Variants in RBM12B observed in about 807,000 individuals in gnomAD.
RBM12B encodes the protein RNA binding motif protein 12B, also known as RNA-binding protein 12B.
A neutral mutation model predicts 34.3 loss-of-function variants in RBM12B; 10 were observed. The ratio of observed to expected loss-of-function variants is 0.29; its 90% confidence interval spans 0.18 to 0.49. RBM12B has a LOEUF of 0.49. RBM12B is among the 20% of genes least tolerant of loss of function. The probability of loss-of-function intolerance (pLI) is 0.99; values close to 1 mark genes in which losing one functional copy is unlikely to be tolerated. For missense variants in RBM12B, 1,139 were observed against 1,262.7 expected (o/e 0.90, Z 1.48); for synonymous variants, 477 against 437.1 (o/e 1.09, Z -1.14).
chr8:93,730,027 G>A lies in RBM12B; in HGVS notation c.*3378C>T, dbSNP rs1811725294. On this transcript the variant is annotated 3_prime_UTR_variant, in exon 4 of 4. Coordinates refer to ENST00000520560, the MANE Select transcript of RBM12B (RefSeq NM_001377960.1). ...CCAAAAATCTGAAATCTTAAATGCT[G>A]CAATGAGCATTTTCTTTGAGCATCA... 6.6e-6 allele frequency: 1 copy of A among 152,150 alleles called. No individual in the cohort carries two copies. Among genetic ancestry groups the A allele is most frequent in the Non-Finnish European group, 1.5e-5 (1 of 68,012 alleles). 9.4% of individuals were successfully genotyped at this position (152,150 alleles called of 1,614,324 possible).
chr8:93,733,158 G>T lies in RBM12B; in HGVS notation c.*247C>A, dbSNP rs16916186. On this transcript the variant is annotated 3_prime_UTR_variant, in exon 4 of 4. Transcript: ENST00000520560. Reference sequence around the variant, plus strand: ...ACAAAAATGAATGAACTCAGGGAATGAGTTCTTTCTCCCCATCAAAGAAAA... The same window carrying T: ...ACAAAAATGAATGAACTCAGGGAATTAGTTCTTTCTCCCCATCAAAGAAAA... The T allele has an allele frequency of 0.35, 92,397 of 264,984 alleles. 17,570 individuals carry two copies. Among genetic ancestry groups the T allele is most frequent in the African/African-American group, 0.5 (22,530 of 45,156 alleles). 16.4% of individuals were successfully genotyped at this position (264,984 alleles called of 1,614,324 possible).
intron 2 of RBM12B, 32 bp downstream of exon 2, chr8:93,740,597 A>G: frequency 2.3e-6 from 1 of 442,308 alleles, no homozygotes; most frequent in South Asian, 1.6e-5. Context: ...GCCACCACTG[A>G]CTACGATGAC....
In RBM12B at chr8:93,736,358, T is replaced by A; in HGVS notation, c.53A>T (p.Asp18Val). The A allele has an allele frequency of 1.2e-6, 2 of 1,611,808 alleles. No individual in the cohort carries two copies. Among genetic ancestry groups the A allele is most frequent in the Non-Finnish European group, 1.7e-6 (2 of 1,179,426 alleles). Residue 18 changes from aspartate to valine, a missense_variant, in exon 4 of 4, where the codon GAT becomes GTT. Asp to Val is a radical substitution (Grantham distance 152, BLOSUM62 -3). Coordinates refer to ENST00000520560, the MANE Select transcript of RBM12B (RefSeq NM_001377960.1). ...LGLPFIAGPVDIRHFFTGLTI... is the reference protein window; with the variant it reads ...LGLPFIAGPVVIRHFFTGLTI... ...CAATCCCGTGAAGAAGTGACGAATA[T>A]CCACAGGCCCCGCAATAAAAGGAAG... is the stretch of plus-strand genomic sequence containing the variant.
In RBM12B at chr8:93,734,847, C is replaced by A. The variant is rs1554611113; in HGVS notation, c.1564G>T (p.Gly522Cys). Reference sequence around the variant, plus strand: ...TGATGTCTAAAGTTTTCAAAAGCACCAACTGAGTATATTGGTGGGTCTTTT... The same window carrying A: ...TGATGTCTAAAGTTTTCAAAAGCACAAACTGAGTATATTGGTGGGTCTTTT... ...DSKDPPIYSV[G>C]AFENFRHQLE... is the part of the protein sequence containing the mutation. The change falls in exon 4 of 4, where the codon GGT (glycine) becomes TGT (cysteine). Residue 522 changes from glycine (G) to cysteine (C), a missense_variant. Physicochemically the swap from Gly to Cys is radical, Grantham distance 159. Around this residue, in one of 3 missense-constraint regions of RBM12B, gnomAD observed 863 missense variants for 869.5 expected, o/e 0.99. Coordinates refer to ENST00000520560, the MANE Select transcript of RBM12B (RefSeq NM_001377960.1). The A allele has an allele frequency of 1.9e-6, 3 of 1,614,112 alleles. No individual in the cohort carries two copies. Among genetic ancestry groups the A allele is most frequent in the African/African-American group, 1.3e-5 (1 of 75,018 alleles).
Position 93,735,767 on chromosome 8 carries a change from C to G in RBM12B, c.644G>C (p.Arg215Thr). 6.2e-7 allele frequency: 1 copy of G among 1,614,084 alleles called. No individual in the cohort carries two copies. Residue 215 changes from arginine (R) to threonine (T), a missense_variant, in exon 4 of 4, where the codon AGA becomes ACA. Around this residue, in one of 3 missense-constraint regions of RBM12B, gnomAD observed 216 missense variants for 292.2 expected, o/e 0.74. Coordinates refer to ENST00000520560, the MANE Select transcript of RBM12B (RefSeq NM_001377960.1). The stretch of plus-strand genomic sequence containing the variant: ...TATAAATCTTGAACCCATAAAACTT[C>G]TATGACATTTAAGACCTCCTGAAGC... ...VDASGGLKCH[R>T]SFMGSRFIEV...
chr8:93,739,651 CCCT>C (rs1266677392), intron 2 of RBM12B, among the ~76,000 whole-genome samples: 1 of 152,142 alleles, frequency 6.6e-6, no homozygotes, highest in African/African-American at 2.4e-5. Flanking sequence ...ACGAAAATTA[CCCT>C]CAAGTAGTCT....
chr8:93,730,739 T>A lies in RBM12B; in HGVS notation c.*2666A>T, dbSNP rs1811758615. 1 of 152,210 alleles carries A rather than the reference T, an allele frequency of 6.6e-6. No individual in the cohort carries two copies. Among genetic ancestry groups the A allele is most frequent in the African/African-American group, 2.4e-5 (1 of 41,448 alleles). 9.4% of individuals were successfully genotyped at this position (152,210 alleles called of 1,614,324 possible). A position where few individuals can be genotyped will look rare whatever the true frequency, so the allele number is the denominator to read the frequency against. The stretch of plus-strand genomic sequence containing the variant: ...CTAAAGGCAGAGTTGGAGAGAGATG[T>A]GCAAAGATGGCTCCCAACTAGAAGA... On this transcript the variant is annotated 3_prime_UTR_variant, in exon 4 of 4. Coordinates refer to ENST00000520560, the MANE Select transcript of RBM12B (RefSeq NM_001377960.1).
chr8:93,733,276 G>T lies in RBM12B; in HGVS notation c.*129C>A. ...GATTCACATTCTACTATTTACATTTGTTCTATTCACAGGTCAAAAATAAAA... is the reference window on the plus strand; with the variant it reads ...GATTCACATTCTACTATTTACATTTTTTCTATTCACAGGTCAAAAATAAAA... On this transcript the variant is annotated 3_prime_UTR_variant, in exon 4 of 4. Transcript: ENST00000520560. 1 of 615,330 alleles carries T rather than the reference G, an allele frequency of 1.6e-6. No homozygotes were observed. The highest frequency in any genetic ancestry group is 2.5e-6 in the Non-Finnish European group (1 of 407,852). 38.1% of individuals were successfully genotyped at this position (615,330 alleles called of 1,614,324 possible). A position where few individuals can be genotyped will look rare whatever the true frequency, so the allele number is the denominator to read the frequency against.
rs908582908 is a variant in RBM12B, at chr8:93,733,757, A to G, written c.2654T>C (p.Phe885Ser). Reference sequence around the variant, plus strand: ...ACCTTCTGGGCGACCAAAATTCACAAAAGGGCGGTGACTTCTAAAATCATC... The same window carrying G: ...ACCTTCTGGGCGACCAAAATTCACAGAAGGGCGGTGACTTCTAAAATCATC... ...PPDDFRSHRP[F>S]VNFGRPEGGK... Residue 885 changes from phenylalanine (F) to serine (S), a missense_variant, in exon 4 of 4, where the codon TTT becomes TCT. This residue lies in a region of RBM12B where 863 missense variants were observed against 869.5 expected (regional missense o/e 0.99). Coordinates refer to ENST00000520560, the MANE Select transcript of RBM12B (RefSeq NM_001377960.1). The G allele has an allele frequency of 6.2e-7, 1 of 1,614,146 alleles. No homozygotes were observed. The highest frequency in any genetic ancestry group is 8.5e-7 in the Non-Finnish European group (1 of 1,180,024).
At chr8:93,738,446 T>C (rs1486403278) in intron 2 of RBM12B, among the ~76,000 whole-genome samples, 1 of 152,204 alleles carries the variant, frequency 6.6e-6, no homozygotes, top group East Asian at 1.9e-4. Context: ...AATAAATAAT[T>C]ATAATTTACA....
In RBM12B at chr8:93,735,265, C is replaced by A. The variant is rs762052068; in HGVS notation, c.1146G>T (p.Arg382Ser). 1.9e-6 allele frequency: 3 copies of A among 1,613,924 alleles called. No homozygotes were observed. Among genetic ancestry groups the A allele is most frequent in the East Asian group, 4.5e-5 (2 of 44,880 alleles). ...KKRSGSLERD[R>S]PGHVSQKYSQ... ...AGTATTTTTGTGAAACATGTCCGGG[C>A]CTATCTCTCTCTAGTGACCCTGATC... The change falls in exon 4 of 4, where the codon AGG (arginine) becomes AGT (serine). Residue 382 changes from arginine (R) to serine (S), a missense_variant. Physicochemically the swap from Arg to Ser is moderately radical, Grantham distance 110 (BLOSUM62 -1). This residue lies in a region of RBM12B where 863 missense variants were observed against 869.5 expected (regional missense o/e 0.99). Transcript: ENST00000520560.
At chr8:93,738,346 C>T (rs539325063) in intron 2 of RBM12B, among the ~76,000 whole-genome samples, 23 of 152,248 alleles carry the variant, frequency 1.5e-4, no homozygotes, top group Non-Finnish European at 2.5e-4. Context: ...TGGGATTACC[C>T]GTTTACTGAA....
chr8:93,734,280 G>A lies in RBM12B; in HGVS notation c.2131C>T (p.Pro711Ser). The A allele has an allele frequency of 1.2e-6, 2 of 1,613,428 alleles. No homozygotes were observed. Among genetic ancestry groups the A allele is most frequent in the Non-Finnish European group, 1.7e-6 (2 of 1,179,804 alleles). Residue 711 changes from proline (P) to serine (S), a missense_variant, in exon 4 of 4, where the codon CCT becomes TCT. Coordinates refer to ENST00000520560, the MANE Select transcript of RBM12B (RefSeq NM_001377960.1). ...GGTGACTGCCTGAAGTCCTCCTCAGGGGAATGCCTGAAATCCTCCTCTGGG... is the reference window on the plus strand; with the variant it reads ...GGTGACTGCCTGAAGTCCTCCTCAGAGGAATGCCTGAAATCCTCCTCTGGG... ...RPPEEDFRHSPEEDFRQSPQE... is the reference protein window; with the variant it reads ...RPPEEDFRHSSEEDFRQSPQE...
chr8:93,735,187 T>C lies in RBM12B; in HGVS notation c.1224A>G (p.Pro408=). Residue 408 remains proline, a synonymous_variant, in exon 4 of 4, where the codon CCA becomes CCG. Transcript: ENST00000520560. ...GCACTTCAACTTTTGTAACATCAAA[T>C]GGAAAATTTCTTATATAGATGCACA... ...QKLCIYIRNF[P]FDVTKVEVQK... 1 of 1,614,134 alleles carries C rather than the reference T, an allele frequency of 6.2e-7. No individual in the cohort carries two copies. Among genetic ancestry groups the C allele is most frequent in the Non-Finnish European group, 8.5e-7 (1 of 1,180,054 alleles).
chr8:93,735,869 T>C lies in RBM12B; in HGVS notation c.542A>G (p.Asp181Gly). ...ATGATGTTTTAAGAAAATTACTCCA[T>C]CCACGCACAAACCAGAGAAAAAGAC... Reference protein sequence around the residue: ...VRVFFSGLCVDGVIFLKHHDG... With the variant: ...VRVFFSGLCVGGVIFLKHHDG... Residue 181 changes from aspartate to glycine, a missense_variant, in exon 4 of 4, where the codon GAT becomes GGT. Asp to Gly is a moderately conservative substitution (Grantham distance 94). This residue lies in a region of RBM12B where 216 missense variants were observed against 292.2 expected (regional missense o/e 0.74). Coordinates refer to ENST00000520560, the MANE Select transcript of RBM12B (RefSeq NM_001377960.1). The C allele has an allele frequency of 6.2e-7, 1 of 1,614,020 alleles. No homozygotes were observed. The highest frequency in any genetic ancestry group is 2.2e-5 in the East Asian group (1 of 44,884).
At position 93,739,503 on chromosome 8, in the gene RBM12B, A is replaced by T. The variant is rs912654799; in HGVS notation, c.-78+1126T>A. On this transcript the variant is annotated intron_variant, in intron 2 of 3. Transcript: ENST00000520560. ...GGTAATGTACCATTTATGCCTCTAC[A>T]ATAACACACCTTGGAGACCAACTGT... Among the ~76,000 whole-genome samples the T allele has an allele frequency of 7.2e-5, 11 of 152,196 alleles. 1 individual carries two copies. The highest frequency in any genetic ancestry group is 2.9e-5 in the Non-Finnish European group (2 of 68,034).
intron 3 of RBM12B, among the ~76,000 whole-genome samples, chr8:93,736,744 C>T (rs916051271): frequency 2.1e-4 from 32 of 152,206 alleles, no homozygotes. Flanking sequence ...CTTCACAAGA[C>T]CAAACTACTT....
intron 2 of RBM12B, among the ~76,000 whole-genome samples, chr8:93,739,594 C>A (rs1812130077): frequency 6.6e-6 from 1 of 152,198 alleles, no homozygotes; most frequent in African/African-American, 2.4e-5. Context: ...TAAGCAAATT[C>A]TCCAGAAATT....
In RBM12B at chr8:93,732,288, T is replaced by C. The variant is rs1018399791; in HGVS notation, c.*1117A>G. The C allele has an allele frequency of 4.6e-5, 7 of 152,224 alleles. No individual in the cohort carries two copies. Among genetic ancestry groups the C allele is most frequent in the African/African-American group, 1.7e-4 (7 of 41,462 alleles). The allele number at this position is 152,224 out of a possible 1,614,324, so 9.4% of individuals were successfully genotyped here. A position where few individuals can be genotyped will look rare whatever the true frequency, so the allele number is the denominator to read the frequency against. On this transcript the variant is annotated 3_prime_UTR_variant, in exon 4 of 4. Transcript: ENST00000520560. ...CACATAGTAAGTGCCTAATAAATGTTAGCCATAAATATTATTGTGGGTATA... is the reference window on the plus strand; with the variant it reads ...CACATAGTAAGTGCCTAATAAATGTCAGCCATAAATATTATTGTGGGTATA...
Sources: gnomAD v4.1 joint callset for allele counts (sites outside exome capture counted in the v4.1 genomes callset) on GRCh38, gnomAD v4.1.1 for gene constraint, gnomAD v4.1.1 regional missense constraint, MANE v1.5 for transcripts, NCBI Gene and HGNC (gene_info 2026-07-23, HGNC 2026-07-21) for gene names.